The following STAG2 variants were observed in gnomAD, a reference collection of about 807,000 sequenced individuals.
STAG2 encodes STAG2 cohesin complex component.
STAG2 carries 14 observed loss-of-function variants against 108.1 expected under a neutral mutation model. The ratio of observed to expected loss-of-function variants is 0.13; its 90% CI spans 0.09 to 0.20. The LOEUF (loss-of-function observed/expected upper bound fraction) is 0.20. STAG2 is among the 10% of genes least tolerant of loss of function. The pLI, the probability that STAG2 is intolerant of heterozygous loss-of-function variation, is 1.00. For missense variants in STAG2, 440 were observed against 940.9 expected (o/e 0.47, Z 6.96); for synonymous variants, 307 against 302.7 (o/e 1.01, Z -0.15).
At chrX:123,967,905 C>CTT (rs35898868) in intron 1 of STAG2, among the ~76,000 whole-genome samples, 1 of 101,529 alleles carries the variant, frequency 9.8e-6, no homozygotes, top group Non-Finnish European at 2.0e-5. Flanking sequence ...GGACCACTGT[C>CTT]TTTTTTTTTT....
Position 124,101,874 on chromosome X carries a change from C to A in STAG2, c.*1277C>A. 1.2e-5 allele frequency: 2 copies of A among 163,638 alleles called. No homozygotes were observed. Among genetic ancestry groups the A allele is most frequent in the Non-Finnish European group, 2.4e-5 (2 of 83,902 alleles). 13.5% of individuals were successfully genotyped at this position (163,638 alleles called of 1,213,427 possible). A position where few individuals can be genotyped will look rare whatever the true frequency, so the allele number is the denominator to read the frequency against. ...AAGTGGCTACTTGCCATTTTGACAT[C>A]AACTCATTTTGCGAGGCTTAGGCAG... On this transcript the variant is annotated 3_prime_UTR_variant, in exon 35 of 35. Coordinates refer to ENST00000371145, the MANE Select transcript of STAG2 (RefSeq NM_001042750.2).
chrX:124,071,304 T>A lies in STAG2; in HGVS notation c.2514T>A (p.Asp838Glu). 1 of 1,187,236 alleles carries A rather than the reference T, an allele frequency of 8.4e-7. No homozygotes were observed. Among genetic ancestry groups the A allele is most frequent in the Admixed American group, 2.4e-5 (1 of 41,176 alleles). ...TGGATCATGTCTTCATTGAACAGGA[T>A]GATGATAATAATAGTGCAGGTAATT... is the stretch of plus-strand genomic sequence containing the variant. ...FILDHVFIEQ[D>E]DDNNSADGQQ... Residue 838 changes from aspartate to glutamate, a missense_variant, in exon 25 of 35, where the codon GAT (aspartate) becomes GAA (glutamate). Physicochemically the swap from Asp to Glu is conservative, Grantham distance 45 (BLOSUM62 2). Transcript: ENST00000371145.
At chrX:123,979,302 A>T (rs945237947) in intron 1 of STAG2, among the ~76,000 whole-genome samples, 3 of 111,198 alleles carry the variant, frequency 2.7e-5, no homozygotes, top group Non-Finnish European at 5.7e-5. Flanking sequence ...ACCATCAAAC[A>T]TACATTTACA....
At chrX:124,071,467 C>T (rs1231490699) in intron 25 of STAG2, 144 bp downstream of exon 25, 1 of 470,899 alleles carries the variant, frequency 2.1e-6, no homozygotes, top group African/African-American at 2.5e-5. Context: ...AATTTATGTT[C>T]ATTTTTTTGT....
chrX:123,973,081 A>T (rs992822512), intron 1 of STAG2, among the ~76,000 whole-genome samples: 5 of 104,252 alleles, frequency 4.8e-5, no homozygotes, highest in Non-Finnish European at 7.8e-5. Context: ...AAAATAAAAT[A>T]AAAAAAAAAT....
intron 6 of STAG2, among the ~76,000 whole-genome samples, chrX:124,041,493 A>G (rs1198873104): frequency 2.7e-5 from 3 of 111,301 alleles, no homozygotes; most frequent in Non-Finnish European, 5.7e-5. Context: ...ATCTATGTTA[A>G]TTATATCTAG....
At chrX:123,990,020 G>C (rs2055376200) in intron 1 of STAG2, among the ~76,000 whole-genome samples, 1 of 111,913 alleles carries the variant, frequency 8.9e-6, no homozygotes, top group African/African-American at 3.3e-5. Flanking sequence ...AAGTTGTCCA[G>C]GTTCTTGGCA....
At position 124,077,962 on chromosome X, in the gene STAG2, TA is replaced by T; in HGVS notation, c.2681del (p.Asn894MetfsTer11). ...TTGTACAAATTTCTTTATAGTATTA[TA>T]ATGACTATGGAGATATCATCAAAGA... ...DIFKQYMKYY[N>X]DYGDIIKETM... On this transcript the variant is annotated frameshift_variant, in exon 27 of 35. Transcript: ENST00000371145. LOFTEE classifies it high-confidence loss of function. 8.7e-7 allele frequency: 1 copy of T among 1,147,813 alleles called. No homozygotes were observed. The highest frequency in any genetic ancestry group is 1.2e-6 in the Non-Finnish European group (1 of 854,824). The allele number at this position is 1,147,813 out of a possible 1,213,427, so 94.6% of individuals were successfully genotyped here.
chrX:123,970,618 G>T (rs2054312971), intron 1 of STAG2, among the ~76,000 whole-genome samples: 1 of 112,020 alleles, frequency 8.9e-6, no homozygotes, highest in Admixed American at 9.5e-5. Flanking sequence ...ATTGGTTAGT[G>T]TTGATTTCAA....
chrX:124,073,713 A>C (rs1053365757), intron 25 of STAG2, among the ~76,000 whole-genome samples: 1 of 111,651 alleles, frequency 9.0e-6, no homozygotes, highest in Non-Finnish European at 1.9e-5. Context: ...GTGAGCCACT[A>C]CACCTGGCAC....
At chrX:123,969,379 G>A (rs2054246749) in intron 1 of STAG2, among the ~76,000 whole-genome samples, 1 of 111,600 alleles carries the variant, frequency 9.0e-6, no homozygotes, top group Admixed American at 9.6e-5. Flanking sequence ...GTTTTACTGA[G>A]TGGTTAGATT....
intron 13 of STAG2, among the ~76,000 whole-genome samples, chrX:124,051,826 G>T (rs868325247): frequency 9.0e-6 from 1 of 111,589 alleles, no homozygotes; most frequent in Non-Finnish European, 1.9e-5. Context: ...TCCTGACCTC[G>T]TGATCCGCCC....
Position 124,045,192 on chromosome X carries a change from C to G in STAG2, c.491C>G (p.Ala164Gly). 8.3e-7 allele frequency: 1 copy of G among 1,210,766 alleles called. No individual in the cohort carries two copies. The highest frequency in any genetic ancestry group is 1.1e-6 in the Non-Finnish European group (1 of 895,096). Residue 164 changes from alanine (A) to glycine (G), a missense_variant, in exon 8 of 35, where the codon GCT becomes GGT. By Grantham distance (60) the Ala-to-Gly change is moderately conservative. This residue lies in a region of STAG2 where 69 missense variants were observed against 254.9 expected (regional missense o/e 0.27). Transcript: ENST00000371145. The stretch of plus-strand genomic sequence containing the variant: ...AGTGGAGATTATCCACTTACCATGG[C>G]TGGTCCTCAGTGGAAGAAGTTCAAA... ...EDSGDYPLTM[A>G]GPQWKKFKSS...
intron 5 of STAG2, among the ~76,000 whole-genome samples, chrX:124,034,840 A>G (rs759264972): frequency 1.9e-4 from 21 of 108,582 alleles, no homozygotes; most frequent in Non-Finnish European, 2.9e-4. Flanking sequence ...CATTGCCAGG[A>G]TATACCTATC....
In STAG2 at chrX:124,061,743, CTTTTTTTTTTTTTTT is replaced by C; in HGVS notation, c.1535-17_1535-3del. 1 of 478,286 alleles carries C rather than the reference CTTTTTTTTTTTTTTT, an allele frequency of 2.1e-6. No homozygotes were observed. The highest frequency in any genetic ancestry group is 5.2e-5 in the Admixed American group (1 of 19,079). 39.4% of individuals were successfully genotyped at this position (478,286 alleles called of 1,213,427 possible). On this transcript the variant is annotated splice_polypyrimidine_tract_variant and intron_variant, in intron 16 of 34. Transcript: ENST00000371145. The stretch of plus-strand genomic sequence containing the variant: ...GAAGAAATAAGCTAACTCTTTCTGA[CTTTTTTTTTTTTTTT>C]TTTTTTTTTTAGCACTAACAGATAG...
At chrX:123,975,743 C>T (rs1877993952) in intron 1 of STAG2, among the ~76,000 whole-genome samples, 1 of 112,268 alleles carries the variant, frequency 8.9e-6, no homozygotes, top group Admixed American at 9.5e-5. Context: ...GGATTACAGG[C>T]ATGAGCCACC....
At position 124,056,082 on chromosome X, in the gene STAG2, A is replaced by G. The variant is rs201331487; in HGVS notation, c.1197-46A>G. ...AAGTTTTTGTACTGTTAATATGCTT[A>G]GAATTAGGACGTTACTAAAAGCACC... On this transcript the variant is annotated intron_variant, in intron 13 of 34. Transcript: ENST00000371145. 3.8e-4 allele frequency: 331 copies of G among 872,872 alleles called. No homozygotes were observed. The African/African-American group carries it at 5.8e-3, about 15-fold the overall frequency. The allele number at this position is 872,872 out of a possible 1,213,427, so 71.9% of individuals were successfully genotyped here. A position where few individuals can be genotyped will look rare whatever the true frequency, so the allele number is the denominator to read the frequency against.
chrX:124,021,403 G>GA lies in STAG2; in HGVS notation c.-121dup. The GA allele has an allele frequency of 9.0e-6, 1 of 111,527 alleles. No homozygotes were observed. The highest frequency in any genetic ancestry group is 4.7e-3 in the Middle Eastern group (1 of 215). 9.2% of individuals were successfully genotyped at this position (111,527 alleles called of 1,213,427 possible). On this transcript the variant is annotated 5_prime_UTR_variant, in exon 2 of 35. Coordinates refer to ENST00000371145, the MANE Select transcript of STAG2 (RefSeq NM_001042750.2). ...GTACTAAATTCACTTGGGAATAAAA[G>GA]AAAAACATAAGAAAATTATAAGAGA... is the stretch of plus-strand genomic sequence containing the variant.
intron 5 of STAG2, among the ~76,000 whole-genome samples, chrX:124,034,476 A>ACTTT (rs2057444496): frequency 8.9e-6 from 1 of 112,231 alleles, no homozygotes; most frequent in Non-Finnish European, 1.9e-5. Context: ...AATTTGATGG[A>ACTTT]GGAAGTCCTC....
Sources: gnomAD v4.1 joint callset for allele counts (sites outside exome capture counted in the v4.1 genomes callset) on GRCh38, gnomAD v4.1.1 for gene constraint, gnomAD v4.1.1 regional missense constraint, MANE v1.5 for transcripts, NCBI Gene and HGNC (gene_info 2026-07-23, HGNC 2026-07-21) for gene names.